SS18L2: variants seen among roughly 807,000 people sequenced by gnomAD.
SS18L2 encodes SS18 like 2.
A neutral mutation model predicts 10.3 loss-of-function variants in SS18L2; 8 were observed. That is an observed-to-expected ratio of 0.78 (90% CI 0.46 to 1.41). SS18L2 has a LOEUF of 1.41. SS18L2 is among the 40% of genes most tolerant of loss of function. The pLI is 0.00. For synonymous variants in SS18L2, 41 were observed against 34.6 expected, an observed-to-expected ratio of 1.19 and a Z score of -0.65; for missense variants, 100 against 96.2, an observed-to-expected ratio of 1.04 and a Z score of -0.17.
At chr3:42,587,174 G>A (rs1704640804), upstream of SS18L2, among the ~76,000 whole-genome samples, 1 of 152,116 alleles carries the variant, frequency 6.6e-6, no homozygotes, top group African/African-American at 2.4e-5. Context: ...CCATGTTACA[G>A]CCAATAAAAC....
intron 1 of SS18L2, 78 bp downstream of exon 1, chr3:42,591,044 T>C: frequency 2.7e-6 from 4 of 1,469,704 alleles, no homozygotes; most frequent in African/African-American, 1.4e-5. Context: ...AGAAGCATCC[T>C]GTAGTGAGCG....
At chr3:42,591,854 A>C (rs1704859804) in intron 2 of SS18L2, among the ~76,000 whole-genome samples, 1 of 152,166 alleles carries the variant, frequency 6.6e-6, no homozygotes. Context: ...CTTCACTCAA[A>C]GCTATGCCGG....
Position 42,594,737 on chromosome 3 carries a change from T to A in SS18L2, c.*228T>A. ...TAATTAAGCAAATCCCTCAATAAGTTGAGCCCAGGTGTCCTCTTTCCTGAA... is the reference window on the plus strand; with the variant it reads ...TAATTAAGCAAATCCCTCAATAAGTAGAGCCCAGGTGTCCTCTTTCCTGAA... On this transcript the variant is annotated 3_prime_UTR_variant, in exon 3 of 3. Coordinates refer to ENST00000011691, the MANE Select transcript of SS18L2 (RefSeq NM_001370300.1). The A allele has an allele frequency of 2.7e-6, 1 of 367,542 alleles. No individual in the cohort carries two copies. Among genetic ancestry groups the A allele is most frequent in the Non-Finnish European group, 5.0e-6 (1 of 201,340 alleles). 22.8% of individuals were successfully genotyped at this position (367,542 alleles called of 1,614,324 possible). A position where few individuals can be genotyped will look rare whatever the true frequency, so the allele number is the denominator to read the frequency against.
upstream of SS18L2, among the ~76,000 whole-genome samples, chr3:42,589,818 G>A (rs1454529243): frequency 1.3e-5 from 2 of 152,188 alleles, no homozygotes; most frequent in African/African-American, 4.8e-5. Flanking sequence ...CAAAAAGGCT[G>A]GGGACCACTG....
In SS18L2 at chr3:42,592,356, C is replaced by T. The variant is rs77839793; in HGVS notation, c.146+755C>T. On this transcript the variant is annotated intron_variant, in intron 2 of 2. Transcript: ENST00000011691. ...CTGGGACTACAGGCGTGTGCCACCA[C>T]GCCCTGCTAATTTTTATATTTGTAG... Among the ~76,000 whole-genome samples, 157 of 152,206 alleles carry T rather than the reference C, an allele frequency of 1.0e-3. 4 individuals are homozygous for T. The East Asian group carries it at 0.02, about 20-fold the overall frequency.
rs1704992004 is a variant in SS18L2 at position 42,595,156 on chromosome 3, T to C, written c.*647T>C. 1 of 152,248 alleles carries C rather than the reference T, an allele frequency of 6.6e-6. No homozygotes were observed. The highest frequency in any genetic ancestry group is 1.5e-5 in the Non-Finnish European group (1 of 68,050). The allele number at this position is 152,248 out of a possible 1,614,324, so 9.4% of individuals were successfully genotyped here. ...ATTATTATCTAATATCATCTGATAA[T>C]AGATGATGTTTAATTTTCTTCAGTT... On this transcript the variant is annotated 3_prime_UTR_variant, in exon 3 of 3. Coordinates refer to ENST00000011691, the MANE Select transcript of SS18L2 (RefSeq NM_001370300.1).
At chr3:42,585,378 C>G (rs1420313575) in intron 1 of SS18L2, among the ~76,000 whole-genome samples, 1 of 152,186 alleles carries the variant, frequency 6.6e-6, no homozygotes, top group Non-Finnish European at 1.5e-5. Context: ...CTCTTCCAGT[C>G]CTCTTCAGTC....
rs1254332984 is a variant in SS18L2, at chr3:42,594,539, T to G, written c.*30T>G. 5 of 1,592,008 alleles carry G rather than the reference T, an allele frequency of 3.1e-6. No homozygotes were observed. Among genetic ancestry groups the G allele is most frequent in the Non-Finnish European group, 4.3e-6 (5 of 1,160,876 alleles). On this transcript the variant is annotated 3_prime_UTR_variant, in exon 3 of 3. Coordinates refer to ENST00000011691, the MANE Select transcript of SS18L2 (RefSeq NM_001370300.1). ...TCAAAAGCAATAGAATAATCTTCCA[T>G]TTGGCTGTCGTGAGGAGTAATTGAA...
intron 2 of SS18L2, among the ~76,000 whole-genome samples, chr3:42,593,754 G>C (rs1281720750): frequency 1.3e-5 from 2 of 152,152 alleles, no homozygotes; most frequent in Non-Finnish European, 2.9e-5. Context: ...CAGAGTAAGT[G>C]GGGGGAGGAG....
upstream of SS18L2, among the ~76,000 whole-genome samples, chr3:42,586,850 C>T (rs889249645): frequency 1.3e-5 from 2 of 152,176 alleles, no homozygotes; most frequent in Non-Finnish European, 2.9e-5. Context: ...TTTGACATCA[C>T]CTCACACTGT....
upstream of SS18L2, among the ~76,000 whole-genome samples, chr3:42,587,104 T>C (rs1319180401): frequency 6.6e-6 from 1 of 152,238 alleles, no homozygotes; most frequent in Non-Finnish European, 1.5e-5. Flanking sequence ...GCCTGCATGC[T>C]TGTAGCAGCC....
chr3:42,588,611 G>A (rs1219700407), upstream of SS18L2, among the ~76,000 whole-genome samples: 1 of 152,032 alleles, frequency 6.6e-6, no homozygotes, highest in African/African-American at 2.4e-5. Flanking sequence ...GCATAAGATT[G>A]GTAAGCAAGT....
chr3:42,590,783 C>T (rs570911808), upstream of SS18L2: 5 of 1,062,302 alleles, frequency 4.7e-6, no homozygotes, highest in South Asian at 6.2e-5. Context: ...TCACAAATGA[C>T]GTCCCTTCTG....
chr3:42,588,827 G>A (rs1304922579), upstream of SS18L2, among the ~76,000 whole-genome samples: 6 of 152,126 alleles, frequency 3.9e-5, no homozygotes, highest in Non-Finnish European at 7.3e-5. Flanking sequence ...CCCACTCTGT[G>A]TCTCTGAAAG....
At chr3:42,589,812 A>C (rs1038903396), upstream of SS18L2, among the ~76,000 whole-genome samples, 1 of 152,156 alleles carries the variant, frequency 6.6e-6, no homozygotes, top group Non-Finnish European at 1.5e-5. Context: ...TGGTGCCAAA[A>C]AGGCTGGGGA....
chr3:42,590,787 C>T (rs1704796001), upstream of SS18L2: 19 of 1,105,994 alleles, frequency 1.7e-5, 1 homozygote, highest in South Asian at 2.2e-4. Context: ...AAATGACGTC[C>T]CTTCTGTACC....
upstream of SS18L2, among the ~76,000 whole-genome samples, chr3:42,586,692 T>C (rs146820603): frequency 2.0e-3 from 308 of 152,190 alleles, 1 homozygote; most frequent in African/African-American, 6.9e-3. Context: ...TCCTCTGCCA[T>C]AAGAGAAACT....
At chr3:42,593,758 G>A (rs1297711247) in intron 2 of SS18L2, among the ~76,000 whole-genome samples, 7 of 152,184 alleles carry the variant, frequency 4.6e-5, no homozygotes, top group Non-Finnish European at 7.3e-5. Context: ...GTAAGTGGGG[G>A]GAGGAGTGCT....
chr3:42,593,287 T>C (rs1704916884), intron 2 of SS18L2, among the ~76,000 whole-genome samples: 1 of 152,048 alleles, frequency 6.6e-6, no homozygotes, highest in African/African-American at 2.4e-5. Context: ...AGGCGTGGTG[T>C]GTGCCTGTAA....
Sources: gnomAD v4.1 joint callset for allele counts (sites outside exome capture counted in the v4.1 genomes callset) on GRCh38, gnomAD v4.1.1 for gene constraint, MANE v1.5 for transcripts, NCBI Gene and HGNC (gene_info 2026-07-23, HGNC 2026-07-21) for gene names.